Variants in SETBP1 observed in about 807,000 individuals in gnomAD.
SETBP1 encodes SET binding protein 1.
In SETBP1, 9 loss-of-function variants were observed where a neutral mutation model predicts 101.0. The ratio of observed to expected loss-of-function variants is 0.09; its 90% CI spans 0.05 to 0.16. The LOEUF (loss-of-function observed/expected upper bound fraction) is 0.16. Among genes scored for constraint, SETBP1 ranks in the 10% least tolerant of loss-of-function variants. SETBP1 has a pLI of 1.00. For synonymous variants in SETBP1, 818 were observed against 788.5 expected, an observed-to-expected ratio of 1.04 and a Z score of -0.63; for missense variants, 1,858 against 2,033.8, an observed-to-expected ratio of 0.91 and a Z score of 1.66.
chr18:44,919,230 T>G (rs2070519267), intron 3 of SETBP1, among the ~76,000 whole-genome samples: 1 of 152,212 alleles, frequency 6.6e-6, no homozygotes, highest in Non-Finnish European at 1.5e-5. Context: ...GGGTTCTGAC[T>G]CTGCAGGTAG....
intron 1 of SETBP1, among the ~76,000 whole-genome samples, chr18:44,694,978 G>A (rs1445541180): frequency 6.6e-6 from 1 of 152,090 alleles, no homozygotes; most frequent in African/African-American, 2.4e-5. Context: ...CTGAAAAGTG[G>A]ATGCATAAAG....
intron 2 of SETBP1, among the ~76,000 whole-genome samples, chr18:44,752,068 G>A (rs959120839): frequency 6.6e-6 from 1 of 152,002 alleles, no homozygotes; most frequent in South Asian, 2.1e-4. Flanking sequence ...TTCAACATAC[G>A]GATTCTGGAA....
At chr18:44,995,112 T>C (rs114924614) in intron 4 of SETBP1, among the ~76,000 whole-genome samples, 1,921 of 151,056 alleles carry the variant, frequency 0.013, 44 homozygotes, top group African/African-American at 0.045. Context: ...TGAGTGGCAG[T>C]AGACAACTGA....
intron 5 of SETBP1, among the ~76,000 whole-genome samples, chr18:45,040,563 G>T (rs554485865): frequency 1.9e-4 from 29 of 152,280 alleles, no homozygotes; most frequent in African/African-American, 6.5e-4. Flanking sequence ...TGCCGGCCAT[G>T]CACAGATATT....
chr18:45,053,868 T>C (rs1265237157), intron 5 of SETBP1, among the ~76,000 whole-genome samples: 1 of 152,080 alleles, frequency 6.6e-6, no homozygotes, highest in Non-Finnish European at 1.5e-5. Context: ...GTATTTATGG[T>C]TAAGGATAAA....
intron 4 of SETBP1, among the ~76,000 whole-genome samples, chr18:44,968,837 A>G (rs968874733): frequency 6.6e-6 from 1 of 152,248 alleles, no homozygotes; most frequent in African/African-American, 2.4e-5. Flanking sequence ...TCATCCAGGA[A>G]TAGCCTGCAT....
intron 2 of SETBP1, among the ~76,000 whole-genome samples, chr18:44,777,306 A>G (rs961956433): frequency 7.2e-5 from 11 of 152,312 alleles, no homozygotes; most frequent in Admixed American, 6.5e-4. Context: ...AAGTTAAATT[A>G]CTTGGCCACT....
chr18:45,009,034 G>A, intron 4 of SETBP1, among the ~76,000 whole-genome samples: 1 of 152,142 alleles, frequency 6.6e-6, no homozygotes, highest in East Asian at 1.9e-4. Flanking sequence ...GCCACCGTGT[G>A]CTGTGGTGGC....
intron 2 of SETBP1, among the ~76,000 whole-genome samples, chr18:44,746,497 A>G (rs1036723376): frequency 6.6e-6 from 1 of 152,220 alleles, no homozygotes; most frequent in Admixed American, 6.5e-5. Flanking sequence ...GTGGTAAGAA[A>G]AGTAGGATGA....
At chr18:45,044,192 A>G (rs987758028) in intron 5 of SETBP1, among the ~76,000 whole-genome samples, 1 of 152,220 alleles carries the variant, frequency 6.6e-6, no homozygotes, top group Admixed American at 6.5e-5. Flanking sequence ...ATAAATATAT[A>G]CATTGAAGAA....
chr18:45,027,392 G>T (rs536441390), intron 4 of SETBP1, among the ~76,000 whole-genome samples: 1 of 152,048 alleles, frequency 6.6e-6, no homozygotes, highest in African/African-American at 2.4e-5. Context: ...AACTATCATG[G>T]GGAAGAGCTT....
intron 4 of SETBP1, among the ~76,000 whole-genome samples, chr18:44,966,900 T>G (rs1174719334): frequency 6.6e-6 from 1 of 152,148 alleles, no homozygotes; most frequent in Non-Finnish European, 1.5e-5. Flanking sequence ...ACACAGAGTT[T>G]TATGAGAGCC....
At chr18:44,800,958 AG>A (rs531152454) in intron 2 of SETBP1, among the ~76,000 whole-genome samples, 124 of 152,330 alleles carry the variant, frequency 8.1e-4, no homozygotes, top group African/African-American at 2.9e-3. Context: ...GCCATAAAAA[AG>A]GATGAGTTCA....
intron 2 of SETBP1, among the ~76,000 whole-genome samples, chr18:44,754,920 G>C (rs2070460010): frequency 6.6e-6 from 1 of 152,204 alleles, no homozygotes; most frequent in South Asian, 2.1e-4. Context: ...TCAGCCTAGT[G>C]CTCTTGGGAG....
chr18:44,890,522 G>T lies in SETBP1; in HGVS notation c.540+21239G>T, dbSNP rs189100306. 9.9e-5 allele frequency among the ~76,000 whole-genome samples: 15 copies of T among 152,140 alleles called. No homozygotes were observed. The East Asian group carries it at 2.3e-3, about 24-fold the overall frequency. Reference sequence around the variant, plus strand: ...AAAGATGGAGTATTTGGAGATGTTTGTATAGATCCTATGGACACGATATAT... The same window carrying T: ...AAAGATGGAGTATTTGGAGATGTTTTTATAGATCCTATGGACACGATATAT... On this transcript the variant is annotated intron_variant, in intron 3 of 5. Transcript: ENST00000649279.
chr18:44,811,823 G>C (rs1893765930), intron 2 of SETBP1, among the ~76,000 whole-genome samples: 1 of 152,140 alleles, frequency 6.6e-6, no homozygotes, highest in Non-Finnish European at 1.5e-5. Context: ...CTGTTTCTGG[G>C]GATCCCCCAT....
intron 3 of SETBP1, among the ~76,000 whole-genome samples, chr18:44,946,570 T>C (rs2071212337): frequency 6.6e-6 from 1 of 152,224 alleles, no homozygotes; most frequent in African/African-American, 2.4e-5. Context: ...GTTTAGCACG[T>C]AAGGCATTTC....
At chr18:44,711,911 C>A (rs1399482966) in intron 2 of SETBP1, among the ~76,000 whole-genome samples, 1 of 151,986 alleles carries the variant, frequency 6.6e-6, no homozygotes, top group Non-Finnish European at 1.5e-5. Context: ...CAAGGGCCTC[C>A]CTGTATATCT....
intron 2 of SETBP1, among the ~76,000 whole-genome samples, chr18:44,857,920 G>A (rs2073009427): frequency 6.6e-6 from 1 of 152,168 alleles, no homozygotes; most frequent in Non-Finnish European, 1.5e-5. Context: ...TCTTGAGAGT[G>A]AAATCATGGA....
Sources: gnomAD v4.1 joint callset for allele counts (sites outside exome capture counted in the v4.1 genomes callset) on GRCh38, gnomAD v4.1.1 for gene constraint, MANE v1.5 for transcripts, NCBI Gene and HGNC (gene_info 2026-07-23, HGNC 2026-07-21) for gene names.